The following CDH13 variants were observed in gnomAD, a reference collection of about 807,000 sequenced individuals.
The protein encoded by CDH13 is cadherin-13.
Under a neutral mutation model 63.8 loss-of-function variants are expected in CDH13, and 24 were observed. That is an observed-to-expected ratio of 0.38 (90% confidence interval 0.27 to 0.53). CDH13 has a LOEUF of 0.53. Among genes scored for constraint, CDH13 ranks in the 20% least tolerant of loss-of-function variants. The pLI is 0.85. For synonymous variants in CDH13, 503 were observed against 355.3 expected, an observed-to-expected ratio of 1.42 and a Z score of -4.67; for missense variants, 1,049 against 903.1, an observed-to-expected ratio of 1.16 and a Z score of -2.07.
At position 83,659,605 on chromosome 16, in the gene CDH13, A is replaced by G. The variant is rs564637569; in HGVS notation, c.1102-11185A>G. ...GCCCCATCCAAGAACGATCTCTGAAAGCAGGACCCCATATCATTAGTGGGT... is the reference window on the plus strand; with the variant it reads ...GCCCCATCCAAGAACGATCTCTGAAGGCAGGACCCCATATCATTAGTGGGT... On this transcript the variant is annotated intron_variant, in intron 8 of 13. Transcript: ENST00000567109. 2.0e-5 allele frequency among the ~76,000 whole-genome samples: 3 copies of G among 152,322 alleles called. No individual in the cohort carries two copies. In the East Asian group the frequency reaches 5.8e-4, roughly 29 times the overall value.
rs182191367 is a variant in CDH13 at position 82,734,861 on chromosome 16, C to T, written c.45+107724C>T. The stretch of plus-strand genomic sequence containing the variant: ...GGGTGATTGTTGAGAAGCTGAGAGC[C>T]GAGGGCTGCCTGCTGACCGCACTCC... On this transcript the variant is annotated intron_variant, in intron 1 of 13. Coordinates refer to ENST00000567109, the MANE Select transcript of CDH13 (RefSeq NM_001257.5). Among the ~76,000 whole-genome samples the T allele has an allele frequency of 7.9e-5, 12 of 152,250 alleles. No homozygotes were observed. The East Asian group carries it at 1.4e-3, about 17-fold the overall frequency.
chr16:83,747,772 G>C (rs9935391), intron 10 of CDH13, among the ~76,000 whole-genome samples: 104,996 of 146,118 alleles, frequency 0.72, 37,920 homozygotes, highest in Admixed American at 0.76. Flanking sequence ...AGATACATCT[G>C]AGGTGTGAAA....
chr16:83,094,462 A>G (rs1052444847), intron 3 of CDH13, among the ~76,000 whole-genome samples: 1 of 151,970 alleles, frequency 6.6e-6, no homozygotes, highest in Non-Finnish European at 1.5e-5. Flanking sequence ...GATGAGGAGA[A>G]CCCTTCTGTG....
chr16:83,784,564 G>A (rs995712604), intron 13 of CDH13, among the ~76,000 whole-genome samples: 3 of 151,420 alleles, frequency 2.0e-5, no homozygotes, highest in East Asian at 1.9e-4. Context: ...CCCGGGAGGC[G>A]GAGGTTGCAG....
At chr16:83,158,326 C>T (rs1400276171) in intron 4 of CDH13, among the ~76,000 whole-genome samples, 1 of 152,192 alleles carries the variant, frequency 6.6e-6, no homozygotes, top group Non-Finnish European at 1.5e-5. Context: ...GTTGTTTCTC[C>T]TCACTGCACT....
rs118068375 is a variant in CDH13, at chr16:82,957,725, A to G, written c.158-74285A>G. On this transcript the variant is annotated intron_variant, in intron 2 of 13. Transcript: ENST00000567109. ...TAAGTTTTCTGAGCTTTATTTTCCC[A>G]CAAGGATGTTATATGCATTAAATGG... is the stretch of plus-strand genomic sequence containing the variant. Among the ~76,000 whole-genome samples the G allele has an allele frequency of 1.7e-3, 253 of 152,346 alleles. 3 individuals are homozygous for G. The East Asian group carries it at 0.025, about 15-fold the overall frequency.
rs148889239 is a variant in CDH13, at chr16:83,680,086, C to A, written c.1538+1625C>A. Among the ~76,000 whole-genome samples, 83 of 152,276 alleles carry A rather than the reference C, an allele frequency of 5.5e-4. 2 individuals are homozygous for A. The highest frequency in any genetic ancestry group is 6.8e-3 in the Middle Eastern group (2 of 294). ...TGGAGGACCCTATGGATACTATATACGATGGAGGAATATCTGAAGAACCCG... is the reference window on the plus strand; with the variant it reads ...TGGAGGACCCTATGGATACTATATAAGATGGAGGAATATCTGAAGAACCCG... On this transcript the variant is annotated intron_variant, in intron 10 of 13. Transcript: ENST00000567109.
intron 3 of CDH13, among the ~76,000 whole-genome samples, chr16:83,120,824 C>T (rs770642511): frequency 1.2e-4 from 16 of 136,300 alleles, no homozygotes; most frequent in Non-Finnish European, 1.8e-4. Context: ...AGTACAGTGG[C>T]GCGATCTCAG....
At chr16:83,134,092 A>G (rs915273483) in intron 4 of CDH13, among the ~76,000 whole-genome samples, 1 of 152,220 alleles carries the variant, frequency 6.6e-6, no homozygotes, top group African/African-American at 2.4e-5. Flanking sequence ...ATCAGTCTGG[A>G]TATTTCCAGC....
At chr16:83,170,151 C>G (rs72800270) in intron 4 of CDH13, among the ~76,000 whole-genome samples, 24,557 of 152,060 alleles carry the variant, frequency 0.16, 2,106 homozygotes, top group South Asian at 0.2. Context: ...AAATGCCATA[C>G]TGTTCCAACA....
At chr16:83,023,222 G>T (rs1321943474) in intron 2 of CDH13, 1 of 152,176 alleles carries the variant, frequency 6.6e-6, no homozygotes, top group Non-Finnish European at 1.5e-5. Flanking sequence ...GAGTGGAAAA[G>T]CGCTGAAAGC....
rs140828245 is a variant in CDH13 at position 82,804,276 on chromosome 16, T to TAC, written c.46-54051_46-54050dup. Among the ~76,000 whole-genome samples the TAC allele has an allele frequency of 2.9e-3, 390 of 135,094 alleles. 2 individuals carry two copies. Among genetic ancestry groups the TAC allele is most frequent in the African/African-American group, 0.011 (367 of 33,486 alleles). The allele number at this position is 135,094 out of a possible 152,430, so 88.6% of individuals were successfully genotyped here. On this transcript the variant is annotated intron_variant, in intron 1 of 13. Coordinates refer to ENST00000567109, the MANE Select transcript of CDH13 (RefSeq NM_001257.5). Reference sequence around the variant, plus strand: ...TAGATCTCAGGTTAGGGGATCTTGCTACACACACACACACACACACACACA... The same window carrying TAC: ...TAGATCTCAGGTTAGGGGATCTTGCTACACACACACACACACACACACACACA...
At chr16:83,534,338 C>G (rs1016416099) in intron 7 of CDH13, among the ~76,000 whole-genome samples, 1 of 152,174 alleles carries the variant, frequency 6.6e-6, no homozygotes, top group African/African-American at 2.4e-5. Flanking sequence ...TGGCTAGGTT[C>G]TTTGACCTCT....
In CDH13 at chr16:83,060,143, A is replaced by G. The variant is rs575474491; in HGVS notation, c.366+27925A>G. Among the ~76,000 whole-genome samples the G allele has an allele frequency of 4.6e-5, 7 of 151,894 alleles. 1 individual carries two copies. The highest frequency in any genetic ancestry group is 7.3e-5 in the African/African-American group (3 of 41,366). On this transcript the variant is annotated intron_variant, in intron 3 of 13. Coordinates refer to ENST00000567109, the MANE Select transcript of CDH13 (RefSeq NM_001257.5). ...AGCTCTATGGCTTCAAAAATTCCCA[A>G]CTCCTCAAAAAGCTGATTTTCTGTT...
intron 7 of CDH13, among the ~76,000 whole-genome samples, chr16:83,505,022 A>G (rs571507808): frequency 6.6e-6 from 1 of 152,148 alleles, no homozygotes; most frequent in Non-Finnish European, 1.5e-5. Context: ...GTCTGAGAGC[A>G]TTGATGCCTC....
chr16:83,483,241 G>T (rs1252105963), intron 6 of CDH13, among the ~76,000 whole-genome samples: 2 of 152,174 alleles, frequency 1.3e-5, no homozygotes, highest in African/African-American at 4.8e-5. Flanking sequence ...ATTTCCTCCA[G>T]AGTAAATCCA....
At chr16:82,725,872 A>G (rs1327428249) in intron 1 of CDH13, among the ~76,000 whole-genome samples, 5 of 152,154 alleles carry the variant, frequency 3.3e-5, no homozygotes, top group Non-Finnish European at 5.9e-5. Context: ...GCAGTTCTCC[A>G]GTTACCTTTC....
intron 1 of CDH13, among the ~76,000 whole-genome samples, chr16:82,786,615 C>T (rs796191343): frequency 6.6e-6 from 1 of 151,388 alleles, no homozygotes; most frequent in African/African-American, 2.4e-5. Flanking sequence ...GTTACCTCAT[C>T]ATTTACATTA....
At chr16:83,170,433 G>A (rs976861211) in intron 4 of CDH13, among the ~76,000 whole-genome samples, 1 of 152,082 alleles carries the variant, frequency 6.6e-6, no homozygotes, top group African/African-American at 2.4e-5. Flanking sequence ...TGACAACATA[G>A]GAGAAGCTTC....
Sources: gnomAD v4.1 joint callset for allele counts (sites outside exome capture counted in the v4.1 genomes callset) on GRCh38, gnomAD v4.1.1 for gene constraint, MANE v1.5 for transcripts, NCBI Gene and HGNC (gene_info 2026-07-23, HGNC 2026-07-21) for gene names.